ERCC8: variants seen among roughly 807,000 people sequenced by gnomAD.
ERCC8 encodes the protein DNA excision repair protein ERCC-8.
ERCC8 carries 52 observed loss-of-function variants against 54.9 expected under a neutral mutation model. That is an observed-to-expected ratio of 0.95 (90% confidence interval 0.76 to 1.19). The LOEUF (loss-of-function observed/expected upper bound fraction) is 1.19. Ranked by LOEUF, ERCC8 falls within the 50% of genes most tolerant of loss-of-function variation. The pLI is 0.00. For synonymous variants in ERCC8, 146 were observed against 157.2 expected (o/e 0.93, Z 0.53); for missense variants, 514 against 466.1 (o/e 1.10, Z -0.95).
At chr5:60,942,757 T>C (rs995118081) in intron 1 of ERCC8, among the ~76,000 whole-genome samples, 6 of 152,116 alleles carry the variant, frequency 3.9e-5, no homozygotes, top group African/African-American at 7.2e-5. Context: ...ATTCATCAAA[T>C]TGTATATTCT....
chr5:60,906,976 C>CA (rs1459994681), intron 4 of ERCC8, among the ~76,000 whole-genome samples: 2 of 151,954 alleles, frequency 1.3e-5, no homozygotes, highest in Non-Finnish European at 2.9e-5. Context: ...ACTTTATTTA[C>CA]AAAAAAAGGC....
chr5:60,911,682 T>A (rs892779807), intron 4 of ERCC8, among the ~76,000 whole-genome samples: 1 of 152,210 alleles, frequency 6.6e-6, no homozygotes, highest in Non-Finnish European at 1.5e-5. Context: ...ATGTCCTGAA[T>A]GGTACTGCCT....
intron 11 of ERCC8, among the ~76,000 whole-genome samples, chr5:60,880,698 C>G (rs1426219488): frequency 6.6e-6 from 1 of 152,180 alleles, no homozygotes; most frequent in Non-Finnish European, 1.5e-5. Context: ...GTTCTCGTGC[C>G]ATGGTTTTCA....
chr5:60,929,546 C>A (rs1749848331), intron 1 of ERCC8, among the ~76,000 whole-genome samples: 5 of 152,164 alleles, frequency 3.3e-5, no homozygotes, highest in Admixed American at 3.3e-4. Flanking sequence ...ATAATCACTT[C>A]ATTGCACTCC....
intron 9 of ERCC8, among the ~76,000 whole-genome samples, chr5:60,897,292 T>G (rs1472849189): frequency 6.6e-6 from 1 of 152,208 alleles, no homozygotes; most frequent in African/African-American, 2.4e-5. Flanking sequence ...GCTTTGCTTT[T>G]CTTCATAGTC....
rs944141288 is a variant in ERCC8, at chr5:60,869,757, C to A, written c.*4858G>T. ...ATAAAATGTGCATTTATTATTTCTA[C>A]ATATTTTTTTAAAACTAGGCATTTC... On this transcript the variant is annotated 3_prime_UTR_variant, in exon 12 of 12. Transcript: ENST00000676185. Among the ~76,000 whole-genome samples, 1 of 152,144 alleles carries A rather than the reference C, an allele frequency of 6.6e-6. No homozygotes were observed. The highest frequency in any genetic ancestry group is 2.4e-5 in the African/African-American group (1 of 41,438).
chr5:60,900,650 C>T (rs1342834195), intron 7 of ERCC8: 1 of 152,014 alleles, frequency 6.6e-6, no homozygotes, highest in Non-Finnish European at 1.5e-5. Context: ...ACTAGCATTA[C>T]CCATTCTTAA....
At chr5:60,899,503 T>C (rs1216029476) in intron 8 of ERCC8, 124 bp downstream of exon 8, 1 of 698,864 alleles carries the variant, frequency 1.4e-6, no homozygotes, top group Non-Finnish European at 2.6e-6. Context: ...ATACGATGAA[T>C]GCCTTTTGAA....
At chr5:60,874,781 C>G (rs1747950050) in intron 11 of ERCC8, 98 bp from the exon 12 acceptor site, 11 of 931,026 alleles carry the variant, frequency 1.2e-5, no homozygotes, top group Non-Finnish European at 1.8e-5. Context: ...AGATAAATAG[C>G]AATTACATTA....
At chr5:60,931,032 T>G (rs1426053242) in intron 1 of ERCC8, among the ~76,000 whole-genome samples, 2 of 150,770 alleles carry the variant, frequency 1.3e-5, no homozygotes, top group East Asian at 4.0e-4. Context: ...TTGCTTGAAC[T>G]CAGGGGACGG....
At chr5:60,906,466 C>T (rs1245592807) in intron 4 of ERCC8, among the ~76,000 whole-genome samples, 1 of 151,996 alleles carries the variant, frequency 6.6e-6, no homozygotes, top group East Asian at 1.9e-4. Context: ...CAGTGGCTCA[C>T]CCCTGTAATC....
chr5:60,881,772 ACTAAGAAAGGGAATTCC>A (rs970666744), intron 11 of ERCC8, among the ~76,000 whole-genome samples: 3 of 152,214 alleles, frequency 2.0e-5, no homozygotes, highest in Non-Finnish European at 4.4e-5. Context: ...CCTTTCTGTG[ACTAAGAAAGGGAATTCC>A]CTGACCCCTT....
chr5:60,936,285 G>C (rs1750063668), intron 1 of ERCC8, among the ~76,000 whole-genome samples: 2 of 151,978 alleles, frequency 1.3e-5, no homozygotes, highest in African/African-American at 4.8e-5. Flanking sequence ...TCTCCTCTAA[G>C]TTTTCTAGTT....
intron 8 of ERCC8, 25 bp downstream of exon 8, chr5:60,899,602 T>C (rs1748814785): frequency 6.7e-7 from 1 of 1,495,098 alleles, no homozygotes; most frequent in Non-Finnish European, 9.3e-7. Flanking sequence ...ATCATTGTCA[T>C]ATTTATTAAT....
At chr5:60,899,866 TTTGCCTTTTCA>T in intron 7 of ERCC8, 139 bp from the exon 8 acceptor site, 1 of 648,958 alleles carries the variant, frequency 1.5e-6, no homozygotes, top group Non-Finnish European at 2.8e-6. Flanking sequence ...TTGTTGAACT[TTTGCCTTTTCA>T]GCAAATATTC....
At chr5:60,902,063 T>C (rs186291062) in intron 7 of ERCC8, among the ~76,000 whole-genome samples, 1 of 152,168 alleles carries the variant, frequency 6.6e-6, no homozygotes, top group Non-Finnish European at 1.5e-5. Context: ...TGGGAGGAAG[T>C]CATTAAATAT....
intron 8 of ERCC8, 104 bp from the exon 9 acceptor site, chr5:60,898,504 T>A (rs1031274673): frequency 3.6e-5 from 47 of 1,317,720 alleles, no homozygotes; most frequent in Non-Finnish European, 4.9e-5. Flanking sequence ...CTTGAGTTAC[T>A]TAAAAAATGT....
chr5:60,933,625 T>C (rs1285942087), intron 1 of ERCC8, among the ~76,000 whole-genome samples: 1 of 152,212 alleles, frequency 6.6e-6, no homozygotes, highest in Non-Finnish European at 1.5e-5. Context: ...TGGTGTTTGG[T>C]TACATAAGTT....
At chr5:60,890,839 G>T in intron 10 of ERCC8, 50 bp downstream of exon 10, 2 of 1,316,456 alleles carry the variant, frequency 1.5e-6, no homozygotes, top group Non-Finnish European at 1.1e-6. Flanking sequence ...CATATAACTG[G>T]TCTGGCAAGC....
Sources: gnomAD v4.1 joint callset for allele counts (sites outside exome capture counted in the v4.1 genomes callset) on GRCh38, gnomAD v4.1.1 for gene constraint, MANE v1.5 for transcripts, NCBI Gene and HGNC (gene_info 2026-07-23, HGNC 2026-07-21) for gene names.